ABRAXAS2: variants seen among roughly 807,000 people sequenced by gnomAD.
ABRAXAS2 encodes the protein BRISC complex subunit Abraxas 2.
In ABRAXAS2, 23 loss-of-function variants were observed where a neutral mutation model predicts 49.0. The observed-to-expected ratio is 0.47, with a 90% confidence interval of 0.34 to 0.66. The LOEUF (loss-of-function observed/expected upper bound fraction) is 0.66. ABRAXAS2 is among the 30% of genes least tolerant of loss of function. ABRAXAS2 has a pLI of 0.01. For synonymous variants in ABRAXAS2, 168 were observed against 180.2 expected, an observed-to-expected ratio of 0.93 and a Z score of 0.54; for missense variants, 443 against 511.9, an observed-to-expected ratio of 0.87 and a Z score of 1.30.
chr10:124,804,713 C>CT lies in ABRAXAS2; in HGVS notation c.73-2115dup, dbSNP rs1444245073. Among the ~76,000 whole-genome samples the CT allele has an allele frequency of 1.8e-3, 163 of 90,138 alleles. 2 individuals carry two copies. Among genetic ancestry groups the CT allele is most frequent in the African/African-American group, 5.0e-3 (142 of 28,666 alleles). The allele number at this position is 90,138 out of a possible 152,430, so 59.1% of individuals were successfully genotyped here. On this transcript the variant is annotated intron_variant, in intron 1 of 8. Coordinates refer to ENST00000298492, the MANE Select transcript of ABRAXAS2 (RefSeq NM_032182.4). ...AGGGAATATATATATTTCTTTTTTT[C>CT]TTTCTTTTTTTTTTTTTTGAGACAG...
chr10:124,834,394 A>T, intron 8 of ABRAXAS2, 108 bp from the exon 9 acceptor site: 1 of 835,982 alleles, frequency 1.2e-6, no homozygotes, highest in Non-Finnish European at 1.9e-6. Flanking sequence ...AGTCAGCTTC[A>T]TTGCCTCACT....
intron 1 of ABRAXAS2, among the ~76,000 whole-genome samples, chr10:124,803,615 T>C (rs1754982944): frequency 6.6e-6 from 1 of 152,176 alleles, no homozygotes; most frequent in East Asian, 1.9e-4. Flanking sequence ...CAAGTGACTC[T>C]TATTAGCTGG....
chr10:124,819,935 T>C (rs1159956268), intron 4 of ABRAXAS2, among the ~76,000 whole-genome samples: 2 of 152,238 alleles, frequency 1.3e-5, no homozygotes, highest in Admixed American at 6.5e-5. Flanking sequence ...AGTTTTATTG[T>C]TGCAGTAGTG....
At chr10:124,806,283 G>A (rs1441796742) in intron 1 of ABRAXAS2, among the ~76,000 whole-genome samples, 1 of 151,166 alleles carries the variant, frequency 6.6e-6, no homozygotes, top group Non-Finnish European at 1.5e-5. Context: ...TCCAGCCTGG[G>A]TGACAGAGCA....
chr10:124,817,182 T>G (rs896038706), intron 3 of ABRAXAS2, among the ~76,000 whole-genome samples: 2 of 152,102 alleles, frequency 1.3e-5, no homozygotes, highest in African/African-American at 4.8e-5. Flanking sequence ...CTCAAACATA[T>G]TTGAGAGATT....
chr10:124,815,892 CTT>C lies in ABRAXAS2; in HGVS notation c.164-662_164-661del, dbSNP rs34730970. Among the ~76,000 whole-genome samples the C allele has an allele frequency of 7.6e-3, 718 of 94,650 alleles. 11 individuals are homozygous for C. The highest frequency in any genetic ancestry group is 0.024 in the African/African-American group (586 of 24,480). The allele number at this position is 94,650 out of a possible 152,430, so 62.1% of individuals were successfully genotyped here. On this transcript the variant is annotated intron_variant, in intron 2 of 8. Transcript: ENST00000298492. Reference sequence around the variant, plus strand: ...CTCTGTCCCCAAGCTGTCCTCGCAGCTTTTTTTTTTTTTTTTTTTTTTTAATA... The same window carrying C: ...CTCTGTCCCCAAGCTGTCCTCGCAGCTTTTTTTTTTTTTTTTTTTTTAATA...
chr10:124,830,633 G>T (rs1349859185), intron 7 of ABRAXAS2, among the ~76,000 whole-genome samples: 1 of 152,216 alleles, frequency 6.6e-6, no homozygotes, highest in Non-Finnish European at 1.5e-5. Flanking sequence ...ACTTTATACA[G>T]ACTCACTGGT....
At chr10:124,817,609 C>T (rs982820056) in intron 3 of ABRAXAS2, among the ~76,000 whole-genome samples, 5 of 152,242 alleles carry the variant, frequency 3.3e-5, no homozygotes, top group South Asian at 2.1e-4. Flanking sequence ...CCTTCCGTAA[C>T]GCCAGCCAGC....
In ABRAXAS2 at chr10:124,834,550, A is replaced by G. The variant is rs1564926845; in HGVS notation, c.827A>G (p.Asp276Gly). 1 of 1,614,092 alleles carries G rather than the reference A, an allele frequency of 6.2e-7. No homozygotes were observed. Among genetic ancestry groups the G allele is most frequent in the South Asian group, 1.1e-5 (1 of 91,076 alleles). ...AGACAGATGCCGTCTGAAAGCTTGG[A>G]CCCAGCGTTCAGTCCTCGGATGCCG... ...LSRQMPSESL[D>G]PAFSPRMPSS... The change falls in exon 9 of 9, where the codon GAC (aspartate) becomes GGC (glycine). Residue 276 changes from aspartate to glycine, a missense_variant. Asp to Gly is a moderately conservative substitution (Grantham distance 94). Around this residue, in one of 3 missense-constraint regions of ABRAXAS2, gnomAD observed 230 missense variants for 237.0 expected, o/e 0.97. Transcript: ENST00000298492.
intron 3 of ABRAXAS2, among the ~76,000 whole-genome samples, chr10:124,817,486 G>A (rs192027355): frequency 4.3e-4 from 65 of 152,100 alleles, no homozygotes; most frequent in Admixed American, 9.8e-4. Context: ...TTTCAACTCT[G>A]TGTTTCATAA....
At chr10:124,832,972 C>T (rs1950943009) in intron 8 of ABRAXAS2, among the ~76,000 whole-genome samples, 1 of 151,248 alleles carries the variant, frequency 6.6e-6, no homozygotes, top group Non-Finnish European at 1.5e-5. Flanking sequence ...ATGGTGAAAT[C>T]CTGTCTCTAC....
rs1309824987 is a variant in ABRAXAS2, at chr10:124,801,829, C to T, written c.-1C>T. The T allele has an allele frequency of 1.2e-6, 2 of 1,613,248 alleles. No individual in the cohort carries two copies. Among genetic ancestry groups the T allele is most frequent in the Non-Finnish European group, 1.7e-6 (2 of 1,179,716 alleles). On this transcript the variant is annotated 5_prime_UTR_variant, in exon 1 of 9. Coordinates refer to ENST00000298492, the MANE Select transcript of ABRAXAS2 (RefSeq NM_032182.4). ...TGATGGGGTAGCTGGAGATTTCCATCATGGCGGCGTCCATTTCGGGCTACA... is the reference window on the plus strand; with the variant it reads ...TGATGGGGTAGCTGGAGATTTCCATTATGGCGGCGTCCATTTCGGGCTACA...
chr10:124,806,801 T>C (rs1376333902), intron 1 of ABRAXAS2, 30 bp from the exon 2 acceptor site: 1 of 1,374,924 alleles, frequency 7.3e-7, no homozygotes, highest in African/African-American at 1.4e-5. Flanking sequence ...TTATTTTTAG[T>C]CTGCAATTAT....
chr10:124,820,844 A>G (rs1487825314), intron 4 of ABRAXAS2, among the ~76,000 whole-genome samples: 2 of 152,210 alleles, frequency 1.3e-5, no homozygotes, highest in African/African-American at 4.8e-5. Context: ...AGAATTTTCT[A>G]GAGCACTCAC....
At chr10:124,829,339 A>G (rs529719130) in intron 6 of ABRAXAS2, 54 bp from the exon 7 acceptor site, 18 of 1,241,794 alleles carry the variant, frequency 1.4e-5, no homozygotes, top group Admixed American at 1.9e-5. Flanking sequence ...ATGCCTTTCC[A>G]TTTCACCGCA....
At position 124,836,008 on chromosome 10, in the gene ABRAXAS2, C is replaced by T. The variant is rs1404998003; in HGVS notation, c.*1037C>T. 1.3e-5 allele frequency: 2 copies of T among 152,472 alleles called. No individual in the cohort carries two copies. The highest frequency in any genetic ancestry group is 4.8e-5 in the African/African-American group (2 of 41,360). 9.4% of individuals were successfully genotyped at this position (152,472 alleles called of 1,614,324 possible). A position where few individuals can be genotyped will look rare whatever the true frequency, so the allele number is the denominator to read the frequency against. ...AATAATTGCAGTATGTGTAGAGACTCTCTTGGGATGCACTTATATTTTTAT... is the reference window on the plus strand; with the variant it reads ...AATAATTGCAGTATGTGTAGAGACTTTCTTGGGATGCACTTATATTTTTAT... On this transcript the variant is annotated 3_prime_UTR_variant, in exon 9 of 9. Transcript: ENST00000298492.
chr10:124,803,629 C>T (rs970598421), intron 1 of ABRAXAS2, among the ~76,000 whole-genome samples: 3 of 152,162 alleles, frequency 2.0e-5, no homozygotes, highest in Non-Finnish European at 4.4e-5. Flanking sequence ...TAGCTGGACA[C>T]GGTAGCTCAT....
intron 2 of ABRAXAS2, chr10:124,815,062 C>A (rs184170402): frequency 6.6e-6 from 1 of 152,214 alleles, no homozygotes; most frequent in Admixed American, 6.5e-5. Context: ...GCAGACCAAC[C>A]AAGGTAAGGT....
intron 8 of ABRAXAS2, among the ~76,000 whole-genome samples, chr10:124,833,905 A>G (rs983419324): frequency 2.6e-5 from 4 of 152,198 alleles, no homozygotes; most frequent in African/African-American, 9.7e-5. Context: ...TTAAAGTTTT[A>G]AGGTATATAA....
Sources: allele counts gnomAD v4.1 joint callset (sites outside exome capture counted in the v4.1 genomes callset), GRCh38; gene constraint gnomAD v4.1.1; regional missense constraint gnomAD v4.1.1; transcripts MANE v1.5; gene names NCBI Gene and HGNC (gene_info 2026-07-23, HGNC 2026-07-21).